MTO1: variants seen among roughly 807,000 people sequenced by gnomAD.
The protein encoded by MTO1 is 5-taurinomethyluridine-[tRNA] synthase subunit MTO1, mitochondrial.
MTO1 carries 46 observed loss-of-function variants against 71.6 expected under a neutral mutation model. The observed-to-expected ratio is 0.64, with a 90% CI of 0.51 to 0.82. The LOEUF is 0.82. MTO1 is among the 40% of genes least tolerant of loss of function. The probability of loss-of-function intolerance (pLI) is 0.00; values close to 1 mark genes in which losing one functional copy is unlikely to be tolerated. For synonymous variants in MTO1, 297 were observed against 312.1 expected (o/e 0.95, Z 0.51); for missense variants, 773 against 867.5 (o/e 0.89, Z 1.37).
At chr6:73,482,747 T>C in intron 9 of MTO1, 127 bp downstream of exon 9, 1 of 733,284 alleles carries the variant, frequency 1.4e-6, no homozygotes, top group East Asian at 2.9e-5. Flanking sequence ...TGTTTTTGGC[T>C]TCTTTTCAAA....
At chr6:73,467,481 C>T (rs1382998947) in intron 3 of MTO1, among the ~76,000 whole-genome samples, 7 of 151,698 alleles carry the variant, frequency 4.6e-5, no homozygotes, top group Non-Finnish European at 7.4e-5. Flanking sequence ...GGTGTGGTGG[C>T]GCATGCTTGA....
At position 73,505,964 on chromosome 6, in the gene MTO1, C is replaced by T. The variant is rs959893793; in HGVS notation, c.*5229C>T. On this transcript the variant is annotated 3_prime_UTR_variant, in exon 12 of 12. Coordinates refer to ENST00000498286, the MANE Select transcript of MTO1 (RefSeq NM_012123.4). ...TGAACTGTTCATTTACAAATGGTTACGATGGAATTTTTCTTTTTCTTTTTT... is the reference window on the plus strand; with the variant it reads ...TGAACTGTTCATTTACAAATGGTTATGATGGAATTTTTCTTTTTCTTTTTT... 1 of 152,012 alleles carries T rather than the reference C, an allele frequency of 6.6e-6. No homozygotes were observed. Among genetic ancestry groups the T allele is most frequent in the South Asian group, 2.1e-4 (1 of 4,824 alleles). The allele number at this position is 152,012 out of a possible 1,614,324, so 9.4% of individuals were successfully genotyped here.
At chr6:73,467,889 C>T (rs1240321403) in intron 3 of MTO1, among the ~76,000 whole-genome samples, 4 of 151,984 alleles carry the variant, frequency 2.6e-5, no homozygotes, top group Non-Finnish European at 5.9e-5. Flanking sequence ...GGTGCGATAT[C>T]GGCTCACCAC....
intron 3 of MTO1, among the ~76,000 whole-genome samples, chr6:73,469,643 T>G (rs1270178248): frequency 1.1e-4 from 3 of 26,838 alleles, no homozygotes; most frequent in African/African-American, 1.9e-4. Context: ...AATAAGGCGC[T>G]AAAACACTTA....
chr6:73,473,295 GATAGATAC>G (rs1771201783), intron 3 of MTO1, 62 bp from the exon 4 acceptor site: 9 of 1,408,318 alleles, frequency 6.4e-6, no homozygotes, highest in East Asian at 2.5e-5. Flanking sequence ...TAGATAGATA[GATAGATAC>G]ATAGATACAT....
chr6:73,503,827 T>G lies in MTO1; in HGVS notation c.*3092T>G, dbSNP rs1772221656. ...AATTAAACGATTATGGCCTTGAAAA[T>G]GAAGTTCCTTTATAGCCAAGAGCTT... On this transcript the variant is annotated 3_prime_UTR_variant, in exon 12 of 12. Coordinates refer to ENST00000498286, the MANE Select transcript of MTO1 (RefSeq NM_012123.4). 6.6e-6 allele frequency: 1 copy of G among 152,182 alleles called. No individual in the cohort carries two copies. Among genetic ancestry groups the G allele is most frequent in the Non-Finnish European group, 1.5e-5 (1 of 68,046 alleles). The allele number at this position is 152,182 out of a possible 1,614,324, so 9.4% of individuals were successfully genotyped here.
rs547837992 is a variant in MTO1, at chr6:73,503,099, T to A, written c.*2364T>A. 1 of 152,274 alleles carries A rather than the reference T, an allele frequency of 6.6e-6. No homozygotes were observed. The highest frequency in any genetic ancestry group is 1.9e-4 in the East Asian group (1 of 5,180). 9.4% of individuals were successfully genotyped at this position (152,274 alleles called of 1,614,324 possible). On this transcript the variant is annotated 3_prime_UTR_variant, in exon 12 of 12. Transcript: ENST00000498286. ...ACATATTTTAGATTCTATGATTTGCTTTAGGATGTGAACTTCTTTATTTTT... is the reference window on the plus strand; with the variant it reads ...ACATATTTTAGATTCTATGATTTGCATTAGGATGTGAACTTCTTTATTTTT...
chr6:73,481,992 G>GT (rs758581000), intron 7 of MTO1, 48 bp from the exon 8 acceptor site: 1 of 1,599,054 alleles, frequency 6.3e-7, no homozygotes, highest in South Asian at 1.1e-5. Flanking sequence ...TGGGATAGCC[G>GT]TTTGTTTAGT....
At chr6:73,500,114 C>G (rs1342883309) in intron 11 of MTO1, among the ~76,000 whole-genome samples, 1 of 152,144 alleles carries the variant, frequency 6.6e-6, no homozygotes, top group East Asian at 1.9e-4. Context: ...ATCCTCCCAC[C>G]TTTGTTTTCT....
chr6:73,476,115 C>A (rs1393560759), intron 4 of MTO1, among the ~76,000 whole-genome samples: 1 of 151,768 alleles, frequency 6.6e-6, no homozygotes, highest in Non-Finnish European at 1.5e-5. Flanking sequence ...GTAATCCCAA[C>A]AGTTTGGGAG....
chr6:73,488,919 A>C (rs939745155), intron 9 of MTO1, among the ~76,000 whole-genome samples: 5 of 152,072 alleles, frequency 3.3e-5, no homozygotes, highest in African/African-American at 9.7e-5. Context: ...TCCGTCTAAA[A>C]AACAACAACA....
chr6:73,492,380 C>A, intron 10 of MTO1, 28 bp downstream of exon 10: 1 of 1,419,614 alleles, frequency 7.0e-7, no homozygotes, highest in Non-Finnish European at 1.0e-6. Flanking sequence ...ACTTAACATA[C>A]CTTTATCATA....
chr6:73,468,135 T>C (rs1470723249), intron 3 of MTO1, among the ~76,000 whole-genome samples: 1 of 152,062 alleles, frequency 6.6e-6, no homozygotes, highest in African/African-American at 2.4e-5. Context: ...TAACATTTTT[T>C]GAGACAGAGT....
intron 10 of MTO1, among the ~76,000 whole-genome samples, chr6:73,493,352 GTA>G (rs918424378): frequency 2.2e-5 from 2 of 88,966 alleles, no homozygotes; most frequent in Non-Finnish European, 4.3e-5. Context: ...AAATGTGCAT[GTA>G]TGTGTGTGTG....
intron 4 of MTO1, among the ~76,000 whole-genome samples, chr6:73,475,764 G>A (rs147292657): frequency 0.034 from 5,134 of 151,856 alleles, 299 homozygotes; most frequent in Admixed American, 0.15. Context: ...CGCCCGCCTC[G>A]GCCTCCCAAA....
chr6:73,492,011 A>G, intron 9 of MTO1: 1 of 381,768 alleles, frequency 2.6e-6, no homozygotes, highest in Non-Finnish European at 4.9e-6. Flanking sequence ...CTGAGGCAGG[A>G]GAATTGCTTG....
intron 11 of MTO1, among the ~76,000 whole-genome samples, chr6:73,499,226 A>C (rs377202964): frequency 1.3e-5 from 2 of 152,310 alleles, no homozygotes; most frequent in African/African-American, 4.8e-5. Flanking sequence ...CATGGAAACC[A>C]GGAAAATAAG....
intron 9 of MTO1, among the ~76,000 whole-genome samples, chr6:73,484,076 GC>G (rs1188709837): frequency 6.6e-6 from 1 of 152,030 alleles, no homozygotes; most frequent in Non-Finnish European, 1.5e-5. Context: ...ACCATGCCTG[GC>G]CCAAGTTTTT....
rs908940843 is a variant in MTO1, at chr6:73,505,268, G to A, written c.*4533G>A. ...GGAAGTAGCCCAAGTATCCACCAAT[G>A]AATGAAAGGATAAACAAAATGTGGC... is the stretch of plus-strand genomic sequence containing the variant. On this transcript the variant is annotated 3_prime_UTR_variant, in exon 12 of 12. Transcript: ENST00000498286. The A allele has an allele frequency of 6.6e-6, 1 of 152,108 alleles. No homozygotes were observed. Among genetic ancestry groups the A allele is most frequent in the African/African-American group, 2.4e-5 (1 of 41,418 alleles). The allele number at this position is 152,108 out of a possible 1,614,324, so 9.4% of individuals were successfully genotyped here. A position where few individuals can be genotyped will look rare whatever the true frequency, so the allele number is the denominator to read the frequency against.
Sources: allele counts gnomAD v4.1 joint callset (sites outside exome capture counted in the v4.1 genomes callset), GRCh38; gene constraint gnomAD v4.1.1; transcripts MANE v1.5; gene names NCBI Gene and HGNC (gene_info 2026-07-23, HGNC 2026-07-21).